The following MYRIP variants were observed in gnomAD, a reference collection of about 807,000 sequenced individuals.
MYRIP encodes the protein myosin VIIA and Rab interacting protein, also known as rab effector MyRIP.
In MYRIP, 49 loss-of-function variants were observed where a neutral mutation model predicts 98.0. That is an observed-to-expected ratio of 0.50 (90% CI 0.40 to 0.63). The LOEUF (loss-of-function observed/expected upper bound fraction) is 0.63, where lower values mean the gene tolerates loss of function less well. MYRIP is among the 30% of genes least tolerant of loss of function. The pLI is 0.00. For synonymous variants in MYRIP, 404 were observed against 409.5 expected (o/e 0.99, Z 0.16); for missense variants, 1,004 against 1,058.2 (o/e 0.95, Z 0.71).
intron 1 of MYRIP, among the ~76,000 whole-genome samples, chr3:39,866,472 TA>T (rs796986213): frequency 5.3e-5 from 8 of 152,098 alleles, no homozygotes; most frequent in Non-Finnish European, 7.4e-5. Context: ...TCAAAAATAA[TA>T]AAAAATTTTT....
intron 2 of MYRIP, among the ~76,000 whole-genome samples, chr3:39,929,316 T>C (rs1468692871): frequency 1.3e-5 from 2 of 152,014 alleles, no homozygotes; most frequent in South Asian, 2.1e-4. Context: ...TCTACCCAAA[T>C]TGATATGTAA....
chr3:39,872,495 A>T (rs1241153777), intron 1 of MYRIP, among the ~76,000 whole-genome samples: 2 of 37,026 alleles, frequency 5.4e-5, no homozygotes, highest in Non-Finnish European at 5.3e-5. Context: ...CCCTCCCCCC[A>T]TCCCACAACA....
intron 3 of MYRIP, among the ~76,000 whole-genome samples, chr3:40,114,534 C>T (rs1949233437): frequency 6.6e-6 from 1 of 152,142 alleles, no homozygotes; most frequent in African/African-American, 2.4e-5. Flanking sequence ...CAAATATGGG[C>T]TAGCATGTTT....
intron 10 of MYRIP, among the ~76,000 whole-genome samples, chr3:40,205,194 G>A (rs373099349): frequency 1.2e-3 from 189 of 152,220 alleles, no homozygotes; most frequent in Non-Finnish European, 2.1e-3. Flanking sequence ...CATCCTGCAA[G>A]GCTGCTTCTC....
intron 2 of MYRIP, among the ~76,000 whole-genome samples, chr3:39,928,532 A>G (rs903901533): frequency 6.6e-6 from 1 of 151,960 alleles, no homozygotes; most frequent in South Asian, 2.1e-4. Flanking sequence ...AGTTTTAAAA[A>G]AACAATCAAT....
At chr3:39,987,290 G>C (rs954577099) in intron 2 of MYRIP, among the ~76,000 whole-genome samples, 1 of 152,104 alleles carries the variant, frequency 6.6e-6, no homozygotes, top group Non-Finnish European at 1.5e-5. Flanking sequence ...AGTTTGCTGA[G>C]GATGATGGCT....
intron 2 of MYRIP, among the ~76,000 whole-genome samples, chr3:40,024,270 A>C (rs1947071600): frequency 6.6e-6 from 1 of 152,166 alleles, no homozygotes; most frequent in African/African-American, 2.4e-5. Flanking sequence ...CTGATTTGAG[A>C]AGGTGGGAAA....
intron 4 of MYRIP, among the ~76,000 whole-genome samples, chr3:40,154,554 A>C (rs1297210433): frequency 6.6e-6 from 1 of 152,138 alleles, no homozygotes; most frequent in South Asian, 2.1e-4. Context: ...TTTTAAATTT[A>C]ATTTTATTTT....
intron 2 of MYRIP, among the ~76,000 whole-genome samples, chr3:39,906,532 C>A (rs1002573114): frequency 3.9e-5 from 6 of 152,176 alleles, no homozygotes; most frequent in Non-Finnish European, 7.3e-5. Flanking sequence ...GTATCTTCAA[C>A]TTTGTCTATA....
chr3:39,878,733 C>T (rs1943080532), intron 1 of MYRIP, among the ~76,000 whole-genome samples: 2 of 152,030 alleles, frequency 1.3e-5, no homozygotes, highest in African/African-American at 4.8e-5. Context: ...AGCAAATTGA[C>T]TTTGATGAAA....
intron 2 of MYRIP, among the ~76,000 whole-genome samples, chr3:40,008,254 T>A (rs1240390824): frequency 1.8e-4 from 28 of 152,198 alleles, no homozygotes; most frequent in Admixed American, 1.8e-3. Context: ...AAGGACCACA[T>A]AAATTATGTA....
intron 7 of MYRIP, 138 bp downstream of exon 7, chr3:40,167,377 C>T: frequency 1.3e-6 from 1 of 771,072 alleles, no homozygotes; most frequent in South Asian, 1.7e-5. Context: ...GACTTTTGTG[C>T]CCTGGGGACC....
At chr3:39,899,816 C>G (rs1943703581) in intron 1 of MYRIP, among the ~76,000 whole-genome samples, 1 of 152,196 alleles carries the variant, frequency 6.6e-6, no homozygotes, top group African/African-American at 2.4e-5. Context: ...ATTCCATATG[C>G]TTATTTGCCA....
At chr3:39,863,825 C>A (rs1942541165) in intron 1 of MYRIP, among the ~76,000 whole-genome samples, 1 of 152,030 alleles carries the variant, frequency 6.6e-6, no homozygotes, top group African/African-American at 2.4e-5. Context: ...ACACCAAAAC[C>A]CAGCAGGGAC....
chr3:39,878,497 T>G (rs1464300756), intron 1 of MYRIP, among the ~76,000 whole-genome samples: 1 of 152,100 alleles, frequency 6.6e-6, no homozygotes, highest in African/African-American at 2.4e-5. Flanking sequence ...AGGTCTGATT[T>G]TTCAACAGTA....
At chr3:40,257,990 C>A (rs1953653478) in intron 16 of MYRIP, 144 bp from the exon 17 acceptor site, 1 of 816,074 alleles carries the variant, frequency 1.2e-6, no homozygotes, top group Non-Finnish European at 2.0e-6. Flanking sequence ...AAAATGACAT[C>A]AGTTTCTAAA....
intron 1 of MYRIP, among the ~76,000 whole-genome samples, chr3:39,900,359 T>A (rs1006574342): frequency 6.0e-5 from 9 of 150,622 alleles, no homozygotes; most frequent in Admixed American, 2.6e-4. Flanking sequence ...TAATTTTTTT[T>A]ATAAATTAAC....
At chr3:40,032,197 C>A (rs1174320227) in intron 2 of MYRIP, among the ~76,000 whole-genome samples, 1 of 151,942 alleles carries the variant, frequency 6.6e-6, no homozygotes, top group Non-Finnish European at 1.5e-5. Context: ...TGTCTTTGTT[C>A]TCGTTGGTTT....
chr3:39,864,705 G>A (rs1942573055), intron 1 of MYRIP, among the ~76,000 whole-genome samples: 1 of 152,080 alleles, frequency 6.6e-6, no homozygotes, highest in Non-Finnish European at 1.5e-5. Context: ...AATCAAAACA[G>A]TTAAAGTGGC....
Sources: allele counts gnomAD v4.1 joint callset (sites outside exome capture counted in the v4.1 genomes callset), GRCh38; gene constraint gnomAD v4.1.1; transcripts MANE v1.5; gene names NCBI Gene and HGNC (gene_info 2026-07-23, HGNC 2026-07-21).